The following PPHLN1 variants were observed in gnomAD, a reference collection of about 807,000 sequenced individuals.
PPHLN1 encodes the protein periphilin 1.
In PPHLN1, 29 loss-of-function variants were observed where a neutral mutation model predicts 51.3. That is an observed-to-expected ratio of 0.57 (90% CI 0.42 to 0.77). PPHLN1 has a LOEUF of 0.77. Among genes scored for constraint, PPHLN1 ranks in the 30% least tolerant of loss-of-function variants. The probability of loss-of-function intolerance (pLI) is 0.00; values close to 1 mark genes in which losing one functional copy is unlikely to be tolerated. For synonymous variants in PPHLN1, 147 were observed against 147.8 expected, an observed-to-expected ratio of 0.99 and a Z score of 0.04; for missense variants, 436 against 438.4, an observed-to-expected ratio of 0.99 and a Z score of 0.05.
At position 42,421,759 on chromosome 12, in the gene PPHLN1, T is replaced by C. The variant is rs1376823727; in HGVS notation, c.910-19556T>C. 2.0e-5 allele frequency among the ~76,000 whole-genome samples: 3 copies of C among 152,154 alleles called. No individual in the cohort carries two copies. In the East Asian group the frequency reaches 5.8e-4, roughly 29 times the overall value. ...TTAGAATGTATAGTAGATAGTATTT[T>C]AATGGGTGATGAGAAAGTTTTAGTA... On this transcript the variant is annotated intron_variant, in intron 9 of 9. Coordinates refer to ENST00000358314, the MANE Select transcript of PPHLN1 (RefSeq NM_201439.2).
At chr12:42,341,579 C>G in intron 2 of PPHLN1, among the ~76,000 whole-genome samples, 1 of 152,038 alleles carries the variant, frequency 6.6e-6, no homozygotes, top group East Asian at 1.9e-4. Flanking sequence ...AACAAATGTA[C>G]CAGTCATTAT....
At chr12:42,347,232 G>A (rs532957118) in intron 2 of PPHLN1, 1 of 152,210 alleles carries the variant, frequency 6.6e-6, no homozygotes, top group Non-Finnish European at 1.5e-5. Flanking sequence ...CCATTTTTAT[G>A]TCTTCTTTGG....
intron 9 of PPHLN1, among the ~76,000 whole-genome samples, chr12:42,414,038 T>C (rs2080137465): frequency 7.9e-6 from 1 of 125,842 alleles, no homozygotes; most frequent in African/African-American, 3.0e-5. Flanking sequence ...ATTATTATTT[T>C]ATTTATTTAT....
chr12:42,423,663 A>C (rs1283423046), intron 9 of PPHLN1, among the ~76,000 whole-genome samples: 1 of 150,158 alleles, frequency 6.7e-6, no homozygotes, highest in East Asian at 2.0e-4. Context: ...GTAATTGTTT[A>C]GCTTTTAACA....
chr12:42,333,943 G>C (rs2070198477), intron 1 of PPHLN1, among the ~76,000 whole-genome samples: 1 of 152,094 alleles, frequency 6.6e-6, no homozygotes, highest in Admixed American at 6.5e-5. Context: ...AGATTTTTAA[G>C]AGCCATTTGT....
intron 8 of PPHLN1, among the ~76,000 whole-genome samples, chr12:42,395,968 C>T (rs775883342): frequency 1.3e-5 from 2 of 152,052 alleles, no homozygotes; most frequent in African/African-American, 2.4e-5. Context: ...AATATTCAGG[C>T]ATGTTGTGGT....
intron 4 of PPHLN1, among the ~76,000 whole-genome samples, chr12:42,362,308 C>T (rs894094504): frequency 1.3e-5 from 2 of 151,970 alleles, no homozygotes; most frequent in African/African-American, 2.4e-5. Flanking sequence ...GCAATATTTT[C>T]TTCCATTCTG....
chr12:42,369,246 C>T (rs763706795), intron 4 of PPHLN1, among the ~76,000 whole-genome samples: 14 of 152,290 alleles, frequency 9.2e-5, no homozygotes, highest in Middle Eastern at 3.4e-3. Context: ...TATGTTTTAT[C>T]TGCATAAAGA....
intron 9 of PPHLN1, 23 bp from the exon 10 acceptor site, chr12:42,441,292 C>G (rs1180591330): frequency 6.3e-6 from 10 of 1,582,936 alleles, no homozygotes; most frequent in Non-Finnish European, 8.6e-6. Context: ...TCTCAGCTAA[C>G]CAGAATGTGT....
intron 9 of PPHLN1, among the ~76,000 whole-genome samples, chr12:42,420,625 C>T (rs1194069290): frequency 6.6e-6 from 1 of 150,810 alleles, no homozygotes; most frequent in African/African-American, 2.4e-5. Context: ...TGTGTGCCAC[C>T]ACACCCAGCT....
chr12:42,411,766 A>G (rs2600920), intron 9 of PPHLN1, among the ~76,000 whole-genome samples: 75,134 of 149,730 alleles, frequency 0.5, 19,002 homozygotes, highest in Admixed American at 0.56. Context: ...TTAGCTGGGT[A>G]TGGTGGTGCA....
At chr12:42,403,749 A>G (rs2079040394) in intron 9 of PPHLN1, among the ~76,000 whole-genome samples, 1 of 152,216 alleles carries the variant, frequency 6.6e-6, no homozygotes, top group Non-Finnish European at 1.5e-5. Context: ...GTTACCACTG[A>G]AACAAAAAAT....
chr12:42,370,802 T>C lies in PPHLN1; in HGVS notation c.300-4061T>C, dbSNP rs58093239. Among the ~76,000 whole-genome samples, 83 of 152,322 alleles carry C rather than the reference T, an allele frequency of 5.4e-4. 2 individuals carry two copies. The East Asian group carries it at 0.014, about 25-fold the overall frequency. On this transcript the variant is annotated intron_variant, in intron 4 of 9. Transcript: ENST00000358314. ...GGTTTCCAGAATTTTACTGGACTCT[T>C]GGACTGACAGATCAAATGACTTCTA...
intron 8 of PPHLN1, among the ~76,000 whole-genome samples, chr12:42,397,037 CA>C (rs34558119): frequency 1.3e-3 from 170 of 128,988 alleles, no homozygotes; most frequent in Admixed American, 1.8e-3. Context: ...GACCTAGTCT[CA>C]AAAAAAAAAA....
At chr12:42,381,155 A>C (rs1401983162) in intron 5 of PPHLN1, among the ~76,000 whole-genome samples, 1 of 152,198 alleles carries the variant, frequency 6.6e-6, no homozygotes, top group Non-Finnish European at 1.5e-5. Context: ...CTATTAATGC[A>C]CTGTTGAATT....
chr12:42,329,642 G>A (rs73118486), intron 1 of PPHLN1, among the ~76,000 whole-genome samples: 12,373 of 152,140 alleles, frequency 0.081, 548 homozygotes, highest in East Asian at 0.15. Context: ...AGGGACTAAT[G>A]TGTATTAAAA....
chr12:42,349,975 G>GA (rs1320751683), intron 2 of PPHLN1, among the ~76,000 whole-genome samples: 3 of 151,180 alleles, frequency 2.0e-5, no homozygotes, highest in Non-Finnish European at 3.0e-5. Flanking sequence ...CTTCCCAGAC[G>GA]TGGTGGCGGG....
intron 4 of PPHLN1, among the ~76,000 whole-genome samples, chr12:42,356,189 G>A (rs2074031418): frequency 6.6e-6 from 1 of 152,170 alleles, no homozygotes; most frequent in South Asian, 2.1e-4. Flanking sequence ...AGAGTGGCAA[G>A]GCATCAACTG....
intron 9 of PPHLN1, among the ~76,000 whole-genome samples, chr12:42,430,005 G>A (rs2081889458): frequency 1.3e-5 from 2 of 152,034 alleles, no homozygotes; most frequent in African/African-American, 2.4e-5. Flanking sequence ...TTAAAGTGAT[G>A]TGTCTTTTTG....
Sources: gnomAD v4.1 joint callset for allele counts (sites outside exome capture counted in the v4.1 genomes callset) on GRCh38, gnomAD v4.1.1 for gene constraint, MANE v1.5 for transcripts, NCBI Gene and HGNC (gene_info 2026-07-23, HGNC 2026-07-21) for gene names.